Variants in RIC8B observed in about 807,000 individuals in gnomAD.
RIC8B encodes RIC8 guanine nucleotide exchange factor B.
Under a neutral mutation model 57.5 loss-of-function variants are expected in RIC8B, and 16 were observed. The observed-to-expected ratio is 0.28, with a 90% CI of 0.19 to 0.42. The LOEUF (loss-of-function observed/expected upper bound fraction) is 0.42, where lower values mean the gene tolerates loss of function less well. Ranked by LOEUF, RIC8B falls within the 10% of genes least tolerant of loss-of-function variation. The pLI, the probability that RIC8B is intolerant of heterozygous loss-of-function variation, is 1.00. For synonymous variants in RIC8B, 216 were observed against 250.8 expected (o/e 0.86, Z 1.31); for missense variants, 481 against 677.0 (o/e 0.71, Z 3.21).
intron 4 of RIC8B, among the ~76,000 whole-genome samples, chr12:106,827,897 A>G (rs2046179740): frequency 6.6e-6 from 1 of 152,218 alleles, no homozygotes; most frequent in Admixed American, 6.5e-5. Flanking sequence ...AGGATGTGAA[A>G]GGAAGGCACT....
chr12:106,777,826 C>T (rs1206525586), intron 1 of RIC8B, among the ~76,000 whole-genome samples: 2 of 152,158 alleles, frequency 1.3e-5, no homozygotes, highest in Admixed American at 1.3e-4. Flanking sequence ...ACACTGGGCA[C>T]AATGCACCTA....
intron 9 of RIC8B, among the ~76,000 whole-genome samples, chr12:106,873,330 T>G (rs1950528842): frequency 6.6e-6 from 1 of 152,222 alleles, no homozygotes; most frequent in Admixed American, 6.5e-5. Context: ...GCGTTTTACA[T>G]TGTCTGCCTT....
intron 2 of RIC8B, among the ~76,000 whole-genome samples, chr12:106,808,443 A>G (rs1187306672): frequency 1.3e-5 from 2 of 152,198 alleles, no homozygotes; most frequent in African/African-American, 2.4e-5. Context: ...CTTACAAAGG[A>G]TAAGAAATGT....
intron 2 of RIC8B, among the ~76,000 whole-genome samples, chr12:106,800,516 G>C (rs544256664): frequency 6.6e-5 from 10 of 152,258 alleles, no homozygotes; most frequent in Admixed American, 1.3e-4. Context: ...ATGAGATTGA[G>C]GGGGGACACA....
chr12:106,810,311 AAAAG>A (rs990357939), intron 2 of RIC8B, among the ~76,000 whole-genome samples: 37 of 151,396 alleles, frequency 2.4e-4, no homozygotes, highest in Admixed American at 7.9e-4. Flanking sequence ...AAAAAGAAAG[AAAAG>A]AAAGTCACAC....
At chr12:106,823,559 A>C in intron 3 of RIC8B, 1 of 398,486 alleles carries the variant, frequency 2.5e-6, no homozygotes, top group Non-Finnish European at 4.9e-6. Context: ...TATATCTAAA[A>C]TAAAGGAAAA....
At chr12:106,782,423 A>C (rs996742303) in intron 1 of RIC8B, among the ~76,000 whole-genome samples, 1 of 152,104 alleles carries the variant, frequency 6.6e-6, no homozygotes, top group Admixed American at 6.5e-5. Context: ...TGGATTATTG[A>C]TGTCCATTCC....
chr12:106,790,516 C>T (rs927333791), intron 2 of RIC8B, among the ~76,000 whole-genome samples: 1 of 152,090 alleles, frequency 6.6e-6, no homozygotes, highest in Non-Finnish European at 1.5e-5. Context: ...ATATTCTGTA[C>T]CTAAATTGGT....
At chr12:106,872,398 G>A (rs1321400111) in intron 9 of RIC8B, among the ~76,000 whole-genome samples, 1 of 152,224 alleles carries the variant, frequency 6.6e-6, no homozygotes, top group African/African-American at 2.4e-5. Flanking sequence ...GCCGGGCACA[G>A]TGGCTTATGC....
intron 7 of RIC8B, among the ~76,000 whole-genome samples, chr12:106,856,675 TA>T (rs1479630257): frequency 6.6e-6 from 1 of 152,198 alleles, no homozygotes; most frequent in Non-Finnish European, 1.5e-5. Flanking sequence ...TGTAACTCTT[TA>T]TTTGTTGAAC....
intron 8 of RIC8B, among the ~76,000 whole-genome samples, chr12:106,865,693 C>G (rs1168722189): frequency 6.6e-6 from 1 of 152,118 alleles, no homozygotes; most frequent in African/African-American, 2.4e-5. Flanking sequence ...TCTCACTGGT[C>G]TTGTTGCTTC....
At position 106,856,395 on chromosome 12, in the gene RIC8B, CCT is replaced by C. The variant is rs1949717012; in HGVS notation, c.1307-3872_1307-3871del. 2.0e-5 allele frequency among the ~76,000 whole-genome samples: 3 copies of C among 152,138 alleles called. No homozygotes were observed. In the South Asian group the frequency reaches 6.2e-4, roughly 32 times the overall value. On this transcript the variant is annotated intron_variant, in intron 7 of 9. Transcript: ENST00000392837. Reference sequence around the variant, plus strand: ...GTGTAGTGTATTTTAAATCTGTTCCCCTGTTACACTGCATGCTTAATCATACT... The same window carrying C: ...GTGTAGTGTATTTTAAATCTGTTCCCGTTACACTGCATGCTTAATCATACT...
At chr12:106,801,461 TTG>T (rs2044728194) in intron 2 of RIC8B, among the ~76,000 whole-genome samples, 1 of 152,180 alleles carries the variant, frequency 6.6e-6, no homozygotes, top group African/African-American at 2.4e-5. Context: ...ATAACATTGA[TTG>T]TGTTACTGAA....
intron 1 of RIC8B, among the ~76,000 whole-genome samples, chr12:106,775,630 A>T (rs775311269): frequency 6.6e-6 from 1 of 152,138 alleles, no homozygotes; most frequent in African/African-American, 2.4e-5. Flanking sequence ...CCACTTCACA[A>T]CTCTGCGTAA....
At chr12:106,869,435 T>G (rs1950294234) in intron 8 of RIC8B, among the ~76,000 whole-genome samples, 1 of 151,738 alleles carries the variant, frequency 6.6e-6, no homozygotes, top group South Asian at 2.1e-4. Context: ...TGTCTTTGTC[T>G]TGGCCAGTAT....
At chr12:106,776,009 A>ATC (rs2043460582) in intron 1 of RIC8B, among the ~76,000 whole-genome samples, 1 of 152,176 alleles carries the variant, frequency 6.6e-6, no homozygotes, top group Admixed American at 6.5e-5. Flanking sequence ...TGGTGGCTGA[A>ATC]TTCCCGTTTA....
intron 6 of RIC8B, 97 bp downstream of exon 6, chr12:106,844,044 GATA>G: frequency 1.1e-6 from 1 of 888,154 alleles, no homozygotes; most frequent in Non-Finnish European, 1.8e-6. Flanking sequence ...TTTTGTTTCA[GATA>G]ATCAGAAACT....
intron 4 of RIC8B, among the ~76,000 whole-genome samples, chr12:106,829,111 A>C (rs543791072): frequency 6.6e-6 from 1 of 152,352 alleles, no homozygotes; most frequent in African/African-American, 2.4e-5. Context: ...TCCACTAATC[A>C]ACATTTTATA....
At chr12:106,865,797 G>C (rs1246085998) in intron 8 of RIC8B, among the ~76,000 whole-genome samples, 1 of 152,034 alleles carries the variant, frequency 6.6e-6, no homozygotes, top group African/African-American at 2.4e-5. Flanking sequence ...AGACGTCCTC[G>C]CAGTGGTATA....
Sources: gnomAD v4.1 joint callset for allele counts (sites outside exome capture counted in the v4.1 genomes callset) on GRCh38, gnomAD v4.1.1 for gene constraint, MANE v1.5 for transcripts, NCBI Gene and HGNC (gene_info 2026-07-23, HGNC 2026-07-21) for gene names.